The following NIPSNAP3B variants were observed in gnomAD, a reference collection of about 807,000 sequenced individuals.
NIPSNAP3B encodes the protein nipsnap homolog 3B.
In NIPSNAP3B, 30 loss-of-function variants were observed where a neutral mutation model predicts 31.5. That is an observed-to-expected ratio of 0.95 (90% CI 0.71 to 1.29). The LOEUF is 1.29. Ranked by LOEUF, NIPSNAP3B falls within the 50% of genes most tolerant of loss-of-function variation. The pLI, the probability that NIPSNAP3B is intolerant of heterozygous loss-of-function variation, is 0.00. For synonymous variants in NIPSNAP3B, 106 were observed against 107.9 expected, an observed-to-expected ratio of 0.98 and a Z score of 0.11; for missense variants, 269 against 300.7, an observed-to-expected ratio of 0.89 and a Z score of 0.78.
At chr9:104,785,316 C>T in the NIPSNAP3B span, 2 of 1,570,678 alleles carry the variant, frequency 1.3e-6, no homozygotes, top group Non-Finnish European at 1.7e-6. Context: ...ATACAAACTG[C>T]TCTTGGACCT....
chr9:104,764,538 T>C (rs1260198499), intron 1 of NIPSNAP3B, among the ~76,000 whole-genome samples: 1 of 152,130 alleles, frequency 6.6e-6, no homozygotes, highest in Admixed American at 6.5e-5. Flanking sequence ...AGTGTTTTTG[T>C]GATTTTTGTT....
At chr9:104,786,108 T>C in the NIPSNAP3B span, among the ~76,000 whole-genome samples, 2 of 151,832 alleles carry the variant, frequency 1.3e-5, no homozygotes, top group African/African-American at 2.4e-5. Flanking sequence ...TGCCCAAGAG[T>C]CACAGAACCA....
the NIPSNAP3B span, chr9:104,785,583 T>G: frequency 6.2e-7 from 1 of 1,614,154 alleles, no homozygotes; most frequent in African/African-American, 1.3e-5. Context: ...CTGGACAGGC[T>G]TCAGGTCCGG....
chr9:104,787,718 A>T, the NIPSNAP3B span: 1 of 460,386 alleles, frequency 2.2e-6, no homozygotes, highest in African/African-American at 2.1e-5. Flanking sequence ...GAGTGCCTCT[A>T]TTTGGGAGCA....
At chr9:104,780,111 A>G (rs527871115), downstream of NIPSNAP3B, among the ~76,000 whole-genome samples, 369 of 152,266 alleles carry the variant, frequency 2.4e-3, 2 homozygotes, top group Non-Finnish European at 4.2e-3. Flanking sequence ...TTTTTCAATA[A>G]AGTTTTTTCC....
chr9:104,772,227 A>G (rs1328126153), intron 4 of NIPSNAP3B, among the ~76,000 whole-genome samples: 2 of 149,024 alleles, frequency 1.3e-5, no homozygotes, highest in Non-Finnish European at 3.0e-5. Flanking sequence ...TTTGCTGTGC[A>G]GAAGCTCTTA....
At chr9:104,777,968 T>G (rs1564061764), downstream of NIPSNAP3B, among the ~76,000 whole-genome samples, 2 of 152,312 alleles carry the variant, frequency 1.3e-5, no homozygotes, top group South Asian at 2.1e-4. Context: ...CTTTACTCAT[T>G]TACATTCCTT....
the NIPSNAP3B span, chr9:104,788,382 A>C: frequency 6.2e-7 from 1 of 1,613,848 alleles, no homozygotes; most frequent in South Asian, 1.1e-5. Flanking sequence ...ATATATTGTC[A>C]GGATGCCAAA....
intron 2 of NIPSNAP3B, 95 bp downstream of exon 2, chr9:104,766,630 C>A (rs1396428552): frequency 8.2e-7 from 1 of 1,217,868 alleles, no homozygotes; most frequent in South Asian, 1.3e-5. Context: ...ACCATAGATA[C>A]ATACAGGTTA....
In NIPSNAP3B at chr9:104,773,931, C is replaced by T. The variant is rs1238631898; in HGVS notation, c.*858C>T. ...AAGACAGTAATATAGTGATAATTTACCAACTTTATTGAAAATGTTGTTACA... is the reference window on the plus strand; with the variant it reads ...AAGACAGTAATATAGTGATAATTTATCAACTTTATTGAAAATGTTGTTACA... On this transcript the variant is annotated 3_prime_UTR_variant, in exon 6 of 6. Transcript: ENST00000374762. The T allele has an allele frequency of 6.6e-6, 1 of 152,024 alleles. No individual in the cohort carries two copies. The highest frequency in any genetic ancestry group is 1.5e-5 in the Non-Finnish European group (1 of 67,984). 9.4% of individuals were successfully genotyped at this position (152,024 alleles called of 1,614,324 possible).
At chr9:104,785,707 G>A in the NIPSNAP3B span, 1 of 1,600,324 alleles carries the variant, frequency 6.2e-7, no homozygotes, top group Non-Finnish European at 8.5e-7. Flanking sequence ...ACTGAACCCT[G>A]GGAACCCAAC....
chr9:104,787,335 T>C, the NIPSNAP3B span, among the ~76,000 whole-genome samples: 1 of 152,284 alleles, frequency 6.6e-6, no homozygotes, highest in East Asian at 1.9e-4. Flanking sequence ...CAGTATAAGA[T>C]TGGGGTGAAA....
the NIPSNAP3B span, chr9:104,785,785 T>G: frequency 1.1e-6 from 1 of 888,882 alleles, no homozygotes; most frequent in Non-Finnish European, 1.7e-6. Context: ...GAACCAGTTA[T>G]CATTTACTAA....
chr9:104,785,688 T>G, the NIPSNAP3B span: 1 of 1,610,172 alleles, frequency 6.2e-7, no homozygotes, highest in South Asian at 1.1e-5. Flanking sequence ...GAAAACTATT[T>G]AAAAGAATAC....
chr9:104,789,889 C>G, the NIPSNAP3B span, among the ~76,000 whole-genome samples: 4,721 of 152,044 alleles, frequency 0.031, 270 homozygotes, highest in African/African-American at 0.11. Flanking sequence ...AGGTCAGGAG[C>G]TCGAGACCAG....
chr9:104,768,449 T>G (rs1828134882), intron 2 of NIPSNAP3B, among the ~76,000 whole-genome samples: 1 of 152,244 alleles, frequency 6.6e-6, no homozygotes, highest in African/African-American at 2.4e-5. Flanking sequence ...TAACATATAC[T>G]GAGTACTAAC....
At chr9:104,788,107 G>T in the NIPSNAP3B span, 10 of 1,554,378 alleles carry the variant, frequency 6.4e-6, no homozygotes, top group Non-Finnish European at 8.9e-6. Flanking sequence ...ATTTTATCAT[G>T]CTGTCCTACA....
the NIPSNAP3B span, chr9:104,784,299 G>A: frequency 4.0e-5 from 65 of 1,612,988 alleles, no homozygotes; most frequent in South Asian, 6.6e-5. Flanking sequence ...CAGCCACCCC[G>A]TATGAACAGG....
At chr9:104,772,717 G>T in intron 4 of NIPSNAP3B, 105 bp from the exon 5 acceptor site, 3 of 1,349,570 alleles carry the variant, frequency 2.2e-6, no homozygotes, top group South Asian at 2.5e-5. Flanking sequence ...TTTACCTTTT[G>T]ATTTTGATTT....
Sources: gnomAD v4.1 joint callset for allele counts (sites outside exome capture counted in the v4.1 genomes callset) on GRCh38, gnomAD v4.1.1 for gene constraint, MANE v1.5 for transcripts, NCBI Gene and HGNC (gene_info 2026-07-23, HGNC 2026-07-21) for gene names.